Variants in TTC7B observed in about 807,000 individuals in gnomAD.
The protein encoded by TTC7B is tetratricopeptide repeat protein 7B.
Under a neutral mutation model 106.8 loss-of-function variants are expected in TTC7B, and 28 were observed. The ratio of observed to expected loss-of-function variants is 0.26; its 90% CI spans 0.19 to 0.36. TTC7B has a LOEUF of 0.36. Ranked by LOEUF, TTC7B falls within the 10% of genes least tolerant of loss-of-function variation. The pLI is 1.00. For synonymous variants in TTC7B, 405 were observed against 430.6 expected (o/e 0.94, Z 0.74); for missense variants, 862 against 1,076.4 (o/e 0.80, Z 2.79).
intron 4 of TTC7B, among the ~76,000 whole-genome samples, chr14:90,741,324 G>A (rs1032671807): frequency 5.9e-5 from 9 of 152,138 alleles, no homozygotes; most frequent in Admixed American, 2.0e-4. Flanking sequence ...CACTGGTCAC[G>A]ACACTCCTAA....
In TTC7B at chr14:90,624,119, C is replaced by CGT. The variant is rs768995897; in HGVS notation, c.1752-6076_1752-6075dup. On this transcript the variant is annotated intron_variant, in intron 15 of 19. Coordinates refer to ENST00000328459, the MANE Select transcript of TTC7B (RefSeq NM_001010854.2). This position sits in a 1 kb window ranked among gnomAD's most constrained non-coding sequence, Gnocchi z 4.0. Reference sequence around the variant, plus strand: ...GTGTGCATGTGTGTGTGCGCGTGCGCGTGTGTGTGTTTTGTGACTTGTCTT... The same window carrying CGT: ...GTGTGCATGTGTGTGTGCGCGTGCGCGTGTGTGTGTGTTTTGTGACTTGTCTT... Among the ~76,000 whole-genome samples the CGT allele has an allele frequency of 6.6e-6, 1 of 152,066 alleles. No homozygotes were observed. Among genetic ancestry groups the CGT allele is most frequent in the East Asian group, 1.9e-4 (1 of 5,188 alleles).
At chr14:90,770,389 G>A (rs1274418742) in intron 3 of TTC7B, among the ~76,000 whole-genome samples, 2 of 152,140 alleles carry the variant, frequency 1.3e-5, no homozygotes, top group Non-Finnish European at 2.9e-5. Context: ...AGGCGCGGTG[G>A]CTCACGCCTG....
chr14:90,593,020 G>T (rs956777350), intron 18 of TTC7B, among the ~76,000 whole-genome samples: 1 of 152,174 alleles, frequency 6.6e-6, no homozygotes, highest in Non-Finnish European at 1.5e-5. Flanking sequence ...CTGTCAAGAT[G>T]TGCCAGGCAT....
At position 90,780,818 on chromosome 14, in the gene TTC7B, C is replaced by T. The variant is rs773829725; in HGVS notation, c.365G>A (p.Arg122Gln). The change falls in exon 3 of 20, where the codon CGG becomes CAG. Residue 122 changes from arginine (R) to glutamine (Q), a missense_variant. Arg to Gln is a conservative substitution (Grantham distance 43). Coordinates refer to ENST00000328459, the MANE Select transcript of TTC7B (RefSeq NM_001010854.2). ...CAGTGGCAGATCGTCCAGGCCCACC[C>T]GGGCGTAAATGTTCAGAGCTTCTTT... ...DYKEALNIYA[R>Q]VGLDDLPLTA... The T allele has an allele frequency of 1.5e-5, 24 of 1,614,148 alleles. No homozygotes were observed. In the Admixed American group the frequency reaches 2.2e-4, roughly 15 times the overall value.
rs201393994 is a variant in TTC7B, at chr14:90,767,251, A to G, written c.445+13487T>C. On this transcript the variant is annotated intron_variant, in intron 3 of 19. Transcript: ENST00000328459. ...AATAGAAGTGAAATTCTAGAGCTGA[A>G]AAAGTACAATAAGTGAAATGAAAAA... Among the ~76,000 whole-genome samples the G allele has an allele frequency of 1.3e-4, 20 of 152,264 alleles. No individual in the cohort carries two copies. The East Asian group carries it at 3.7e-3, about 28-fold the overall frequency.
rs1462254371 is a variant in TTC7B, at chr14:90,534,300, C to T, written c.*7068G>A. The T allele has an allele frequency of 1.3e-5, 2 of 152,266 alleles. No individual in the cohort carries two copies. The highest frequency in any genetic ancestry group is 4.8e-5 in the African/African-American group (2 of 41,460). The allele number at this position is 152,266 out of a possible 1,614,324, so 9.4% of individuals were successfully genotyped here. A position where few individuals can be genotyped will look rare whatever the true frequency, so the allele number is the denominator to read the frequency against. On this transcript the variant is annotated 3_prime_UTR_variant, in exon 20 of 20. Transcript: ENST00000328459. The stretch of plus-strand genomic sequence containing the variant: ...GAGGAATGTTAGTGGCGGGAACGGC[C>T]GCAGCCCTAAGGCTCAGCCCTGGGG...
chr14:90,578,941 C>T lies in TTC7B; in HGVS notation c.2108-633G>A, dbSNP rs538805169. ...AAAGCCCTTTGACAAGCCAAGCTAT[C>T]GCTTTTAAAACAAGCAGGAAAATGA... On this transcript the variant is annotated intron_variant, in intron 18 of 19. Coordinates refer to ENST00000328459, the MANE Select transcript of TTC7B (RefSeq NM_001010854.2). The surrounding 1 kb of genome is among the most constrained non-coding windows in gnomAD (Gnocchi z 4.7). Among the ~76,000 whole-genome samples, 3 of 152,320 alleles carry T rather than the reference C, an allele frequency of 2.0e-5. No homozygotes were observed. Among genetic ancestry groups the T allele is most frequent in the East Asian group, 1.9e-4 (1 of 5,178 alleles).
At chr14:90,692,504 T>C (rs1887514427) in intron 6 of TTC7B, among the ~76,000 whole-genome samples, 2 of 152,338 alleles carry the variant, frequency 1.3e-5, no homozygotes, top group Middle Eastern at 3.4e-3. Flanking sequence ...TGAATGTCAT[T>C]AGATGGAGAA....
rs1447768997 is a variant in TTC7B at position 90,597,677 on chromosome 14, C to T, written c.1967-4051G>A. 2.6e-5 allele frequency among the ~76,000 whole-genome samples: 4 copies of T among 151,280 alleles called. No homozygotes were observed. The East Asian group carries it at 5.8e-4, about 22-fold the overall frequency. On this transcript the variant is annotated intron_variant, in intron 17 of 19. Coordinates refer to ENST00000328459, the MANE Select transcript of TTC7B (RefSeq NM_001010854.2). ...CCATCTAAAAAAAAAAACAAAACAACAACAACAAAAAAAACCCTGTACTGT... is the reference window on the plus strand; with the variant it reads ...CCATCTAAAAAAAAAAACAAAACAATAACAACAAAAAAAACCCTGTACTGT...
intron 4 of TTC7B, among the ~76,000 whole-genome samples, chr14:90,744,439 T>C (rs1008650458): frequency 1.3e-5 from 2 of 152,096 alleles, no homozygotes; most frequent in Non-Finnish European, 2.9e-5. Context: ...ACCTCCCAAG[T>C]AGCTGATTAT....
chr14:90,748,573 C>T (rs1890041345), intron 3 of TTC7B, among the ~76,000 whole-genome samples: 2 of 152,038 alleles, frequency 1.3e-5, no homozygotes, highest in Admixed American at 1.3e-4. Flanking sequence ...GTGATCTGCC[C>T]ATGTTGGCCT....
At chr14:90,562,055 A>C (rs943961549) in intron 19 of TTC7B, among the ~76,000 whole-genome samples, 4 of 152,006 alleles carry the variant, frequency 2.6e-5, no homozygotes, top group Non-Finnish European at 1.5e-5. Flanking sequence ...GTCTCCTCCC[A>C]TAGCTTCGGG....
At chr14:90,727,693 A>G (rs1297221311) in intron 5 of TTC7B, among the ~76,000 whole-genome samples, 8 of 152,252 alleles carry the variant, frequency 5.3e-5, no homozygotes, top group Non-Finnish European at 7.3e-5. Context: ...TAAAAAGCTG[A>G]GTATACATTT....
intron 1 of TTC7B, among the ~76,000 whole-genome samples, chr14:90,794,304 G>A (rs1891699249): frequency 7.0e-6 from 1 of 143,540 alleles, no homozygotes. Context: ...TCGGCTCACT[G>A]CAACCTCCAC....
chr14:90,756,918 G>C (rs1336491210), intron 3 of TTC7B, among the ~76,000 whole-genome samples: 2 of 152,068 alleles, frequency 1.3e-5, no homozygotes, highest in East Asian at 3.9e-4. Flanking sequence ...GCAATAAAAG[G>C]GTTCTTACTC....
intron 3 of TTC7B, chr14:90,767,068 T>A: frequency 1.4e-6 from 1 of 734,148 alleles, no homozygotes; most frequent in Non-Finnish European, 2.2e-6. Context: ...GAAAAGAAAT[T>A]CTGGGCTGGG....
chr14:90,576,793 T>C (rs1282805058), intron 19 of TTC7B, among the ~76,000 whole-genome samples: 1 of 152,220 alleles, frequency 6.6e-6, no homozygotes, highest in Non-Finnish European at 1.5e-5. Flanking sequence ...GCCCAGCCCC[T>C]TTCTACATTT....
chr14:90,744,778 T>TAGAAA lies in TTC7B; in HGVS notation c.576+13_576+14insTTTCT, dbSNP rs1566867007. ...GAAAAAGTTATCAGGAACAAACACG[T>TAGAAA]GGTCCTCACTTACCCTTTCTATCTC... On this transcript the variant is annotated intron_variant, in intron 4 of 19. Coordinates refer to ENST00000328459, the MANE Select transcript of TTC7B (RefSeq NM_001010854.2). The TAGAAA allele has an allele frequency of 1.2e-6, 2 of 1,608,204 alleles. No homozygotes were observed. The highest frequency in any genetic ancestry group is 2.7e-5 in the African/African-American group (2 of 74,744).
chr14:90,787,090 CTG>C (rs1047208284), intron 1 of TTC7B, among the ~76,000 whole-genome samples: 1 of 152,194 alleles, frequency 6.6e-6, no homozygotes, highest in African/African-American at 2.4e-5. Flanking sequence ...TAAGATGAGT[CTG>C]TGTCAAAATG....
Sources: allele counts gnomAD v4.1 joint callset (sites outside exome capture counted in the v4.1 genomes callset), GRCh38; gene constraint gnomAD v4.1.1; non-coding constraint Gnocchi (gnomAD v3.1); transcripts MANE v1.5; gene names NCBI Gene and HGNC (gene_info 2026-07-23, HGNC 2026-07-21).